ZNF518B: variants seen among roughly 807,000 people sequenced by gnomAD.
ZNF518B encodes zinc finger protein 518B.
A neutral mutation model predicts 56.3 loss-of-function variants in ZNF518B; 23 were observed. The ratio of observed to expected loss-of-function variants is 0.41; its 90% CI spans 0.29 to 0.58. ZNF518B has a LOEUF of 0.58. ZNF518B is among the 20% of genes least tolerant of loss of function. The probability of loss-of-function intolerance (pLI) is 0.32; values close to 1 mark genes in which losing one functional copy is unlikely to be tolerated. For missense variants in ZNF518B, 1,460 were observed against 1,272.1 expected, an observed-to-expected ratio of 1.15 and a Z score of -2.25; for synonymous variants, 529 against 465.9, an observed-to-expected ratio of 1.14 and a Z score of -1.74.
chr4:10,441,489 T>C lies in ZNF518B; in HGVS notation c.*1615A>G, dbSNP rs1022310191. On this transcript the variant is annotated 3_prime_UTR_variant, in exon 3 of 3. Transcript: ENST00000326756. ...CTCCAATCGACTACCCAATAAACAA[T>C]CACTGGTGTCTTTTTCAGGTGCAAC... is the stretch of plus-strand genomic sequence containing the variant. 6.9e-6 allele frequency: 1 copy of C among 145,402 alleles called. No homozygotes were observed. The highest frequency in any genetic ancestry group is 1.5e-5 in the Non-Finnish European group (1 of 66,586). 9.0% of individuals were successfully genotyped at this position (145,402 alleles called of 1,614,324 possible). A position where few individuals can be genotyped will look rare whatever the true frequency, so the allele number is the denominator to read the frequency against.
chr4:10,445,372 T>C lies in ZNF518B; in HGVS notation c.957A>G (p.Ala319=), dbSNP rs1468780414. ...KNVEVEVLSP[A]KEPVQPGMPL... is the part of the protein sequence containing the mutation. ...GCATACCTGGCTGAACAGGTTCTTT[T>C]GCAGGGGATAACACTTCTACTTCAA... is the stretch of plus-strand genomic sequence containing the variant. The change falls in exon 3 of 3, where the codon GCA becomes GCG. Residue 319 remains alanine (A), a synonymous_variant. Transcript: ENST00000326756. 2 of 1,614,146 alleles carry C rather than the reference T, an allele frequency of 1.2e-6. No individual in the cohort carries two copies. The highest frequency in any genetic ancestry group is 1.7e-6 in the Non-Finnish European group (2 of 1,180,052).
rs1009875795 is a variant in ZNF518B at position 10,443,514 on chromosome 4, G to A, written c.2815C>T (p.Arg939Trp). ...TTTAACACAATGACTGGCTGGTTCC[G>A]ACGGGGACACTTAATCAACTGATCT... Reference protein sequence around the residue: ...KPDQLIKCPRRNQPVIVLNHP... With the variant: ...KPDQLIKCPRWNQPVIVLNHP... Residue 939 changes from arginine to tryptophan, a missense_variant, in exon 3 of 3, where the codon CGG becomes TGG. Transcript: ENST00000326756. 8.1e-6 allele frequency: 13 copies of A among 1,613,766 alleles called. No individual in the cohort carries two copies. Among genetic ancestry groups the A allele is most frequent in the South Asian group, 4.4e-5 (4 of 91,084 alleles).
At chr4:10,459,907 T>A (rs186449709), upstream of ZNF518B, among the ~76,000 whole-genome samples, 45 of 152,262 alleles carry the variant, frequency 3.0e-4, no homozygotes, top group Middle Eastern at 6.8e-3. Context: ...TGCACCCTCC[T>A]AGTTATGACT....
At chr4:10,446,637 G>A in intron 2 of ZNF518B, 98 bp from the exon 3 acceptor site, 2 of 256,850 alleles carry the variant, frequency 7.8e-6, no homozygotes, top group Non-Finnish European at 1.5e-5. Flanking sequence ...GACATTTTAT[G>A]GTAAATCTCA....
rs1714823866 is a variant in ZNF518B, at chr4:10,443,989, A to G, written c.2340T>C (p.Val780=). ...VLIPKGAVLR[V]LNSSENAHII... Reference sequence around the variant, plus strand: ...TGTGGGCATTCTCAGAGGAATTAAGAACCCTCAACACAGCCCCTTTGGGGA... The same window carrying G: ...TGTGGGCATTCTCAGAGGAATTAAGGACCCTCAACACAGCCCCTTTGGGGA... The change falls in exon 3 of 3, where the codon GTT becomes GTC. Residue 780 remains valine (V), a synonymous_variant. Coordinates refer to ENST00000326756, the MANE Select transcript of ZNF518B (RefSeq NM_053042.3). 1.9e-6 allele frequency: 3 copies of G among 1,614,114 alleles called. No individual in the cohort carries two copies. Among genetic ancestry groups the G allele is most frequent in the Non-Finnish European group, 2.5e-6 (3 of 1,180,036 alleles).
At chr4:10,449,181 T>C (rs1429567562) in intron 2 of ZNF518B, among the ~76,000 whole-genome samples, 1 of 152,210 alleles carries the variant, frequency 6.6e-6, no homozygotes, top group Non-Finnish European at 1.5e-5. Context: ...AAGGGGGATC[T>C]GGTCCAGCGT....
At chr4:10,458,746 A>G (rs1433972955), upstream of ZNF518B, among the ~76,000 whole-genome samples, 1 of 152,232 alleles carries the variant, frequency 6.6e-6, no homozygotes, top group East Asian at 1.9e-4. Flanking sequence ...CAGAGAGTTC[A>G]AAGTCTCCCT....
chr4:10,451,693 G>A (rs868751249), intron 2 of ZNF518B: 15 of 152,080 alleles, frequency 9.9e-5, no homozygotes, highest in Middle Eastern at 3.2e-3. Context: ...TATACCGCCC[G>A]AAAGATAATT....
chr4:10,457,307 A>C lies in ZNF518B; in HGVS notation c.-396+10T>G, dbSNP rs1715583805. 6.6e-6 allele frequency: 1 copy of C among 151,798 alleles called. No homozygotes were observed. The highest frequency in any genetic ancestry group is 1.5e-5 in the Non-Finnish European group (1 of 67,908). The allele number at this position is 151,798 out of a possible 1,614,324, so 9.4% of individuals were successfully genotyped here. ...TCCGGGGGCCCTCGCCCTCCCGCTC[A>C]GCTACTTACCCGGCAGGCCGGATTC... On this transcript the variant is annotated intron_variant, in intron 1 of 2. Coordinates refer to ENST00000326756, the MANE Select transcript of ZNF518B (RefSeq NM_053042.3).
In ZNF518B at chr4:10,442,214, G is replaced by A. The variant is rs1714713106; in HGVS notation, c.*890C>T. On this transcript the variant is annotated 3_prime_UTR_variant, in exon 3 of 3. Coordinates refer to ENST00000326756, the MANE Select transcript of ZNF518B (RefSeq NM_053042.3). Reference sequence around the variant, plus strand: ...TATGAAACCCTTTTCACAACTTTATGAGCCTACCTTGAACTGTGTTTGCGA... The same window carrying A: ...TATGAAACCCTTTTCACAACTTTATAAGCCTACCTTGAACTGTGTTTGCGA... 1 of 152,206 alleles carries A rather than the reference G, an allele frequency of 6.6e-6. No homozygotes were observed. Among genetic ancestry groups the A allele is most frequent in the Admixed American group, 6.5e-5 (1 of 15,284 alleles). 9.4% of individuals were successfully genotyped at this position (152,206 alleles called of 1,614,324 possible). A position where few individuals can be genotyped will look rare whatever the true frequency, so the allele number is the denominator to read the frequency against.
intron 2 of ZNF518B, 156 bp downstream of exon 2, chr4:10,454,649 T>C (rs1283504924): frequency 1.3e-5 from 2 of 152,178 alleles, no homozygotes; most frequent in Non-Finnish European, 2.9e-5. Context: ...GATTAACAGG[T>C]CTGGAGAAGC....
rs1408658207 is a variant in ZNF518B, at chr4:10,441,631, G to C, written c.*1473C>G. 3 of 152,448 alleles carry C rather than the reference G, an allele frequency of 2.0e-5. No individual in the cohort carries two copies. The highest frequency in any genetic ancestry group is 7.2e-5 in the African/African-American group (3 of 41,450). 9.4% of individuals were successfully genotyped at this position (152,448 alleles called of 1,614,324 possible). ...GGTTGTGCCATCTGTGCTCTACCTG[G>C]AAGGTCAGCGCCCAGCTGCACAGGC... is the stretch of plus-strand genomic sequence containing the variant. On this transcript the variant is annotated 3_prime_UTR_variant, in exon 3 of 3. Coordinates refer to ENST00000326756, the MANE Select transcript of ZNF518B (RefSeq NM_053042.3).
At chr4:10,453,561 T>C (rs2108996150) in intron 2 of ZNF518B, 1 of 132,878 alleles carries the variant, frequency 7.5e-6, no homozygotes, top group East Asian at 2.0e-4. Context: ...AAACTTTGTA[T>C]GTGAAAAAAA....
At chr4:10,460,401 C>T (rs148442170), upstream of ZNF518B, among the ~76,000 whole-genome samples, 840 of 148,426 alleles carry the variant, frequency 5.7e-3, 3 homozygotes, top group Non-Finnish European at 8.8e-3. Context: ...AGAGGAATGA[C>T]GAACAGGGTA....
rs761187690 is a variant in ZNF518B at position 10,445,115 on chromosome 4, G to A, written c.1214C>T (p.Ser405Leu). The change falls in exon 3 of 3, where the codon TCA becomes TTA. Residue 405 changes from serine (S) to leucine (L), a missense_variant. Coordinates refer to ENST00000326756, the MANE Select transcript of ZNF518B (RefSeq NM_053042.3). ...EKVLSAEKTK[S>L]LTVDGNVGKL... Reference sequence around the variant, plus strand: ...TCCAACATTCCCGTCAACTGTCAGTGACTTTGTTTTTTCTGCAGAAAGTAC... The same window carrying A: ...TCCAACATTCCCGTCAACTGTCAGTAACTTTGTTTTTTCTGCAGAAAGTAC... 3 of 1,614,024 alleles carry A rather than the reference G, an allele frequency of 1.9e-6. No individual in the cohort carries two copies. The highest frequency in any genetic ancestry group is 8.5e-7 in the Non-Finnish European group (1 of 1,180,032).
At position 10,441,653 on chromosome 4, in the gene ZNF518B, A is replaced by C. The variant is rs902648237; in HGVS notation, c.*1451T>G. Reference sequence around the variant, plus strand: ...CTGGAAGGTCAGCGCCCAGCTGCACAGGCAAGTGAAGACTAGAATCCTGTC... The same window carrying C: ...CTGGAAGGTCAGCGCCCAGCTGCACCGGCAAGTGAAGACTAGAATCCTGTC... On this transcript the variant is annotated 3_prime_UTR_variant, in exon 3 of 3. Coordinates refer to ENST00000326756, the MANE Select transcript of ZNF518B (RefSeq NM_053042.3). The C allele has an allele frequency of 2.6e-5, 4 of 152,522 alleles. No individual in the cohort carries two copies. The highest frequency in any genetic ancestry group is 9.6e-5 in the African/African-American group (4 of 41,470). 9.4% of individuals were successfully genotyped at this position (152,522 alleles called of 1,614,324 possible).
chr4:10,445,227 C>T lies in ZNF518B; in HGVS notation c.1102G>A (p.Glu368Lys). 1.9e-6 allele frequency: 3 copies of T among 1,614,214 alleles called. No homozygotes were observed. Among genetic ancestry groups the T allele is most frequent in the Middle Eastern group, 1.6e-4 (1 of 6,062 alleles). The change falls in exon 3 of 3, where the codon GAA becomes AAA. Residue 368 changes from glutamate to lysine, a missense_variant. Physicochemically the swap from Glu to Lys is moderately conservative, Grantham distance 56. Coordinates refer to ENST00000326756, the MANE Select transcript of ZNF518B (RefSeq NM_053042.3). ...QLVLKLFPLE[E>K]NNCLEAGRDN... is the part of the protein sequence containing the mutation. ...CTCCCAGCTTCAAGGCAATTATTTT[C>T]TTCCAGCGGAAACAGTTTCAGAACA...
chr4:10,444,305 G>C lies in ZNF518B; in HGVS notation c.2024C>G (p.Ser675Cys). 2 of 1,614,162 alleles carry C rather than the reference G, an allele frequency of 1.2e-6. No individual in the cohort carries two copies. Among genetic ancestry groups the C allele is most frequent in the Non-Finnish European group, 1.7e-6 (2 of 1,180,010 alleles). ...LRRKIAQLIE[S>C]CGKPSSLASN... ...AGCCAAAGATGACGGCTTCCCACAG[G>C]ACTCAATTAACTGAGCTATCTTTCT... Residue 675 changes from serine (S) to cysteine (C), a missense_variant, in exon 3 of 3, where the codon TCC becomes TGC. Ser to Cys is a moderately radical substitution (Grantham distance 112). Coordinates refer to ENST00000326756, the MANE Select transcript of ZNF518B (RefSeq NM_053042.3).
chr4:10,454,501 T>C (rs191229907), intron 2 of ZNF518B: 8 of 152,196 alleles, frequency 5.3e-5, no homozygotes, highest in South Asian at 2.1e-4. Context: ...CTGATCAGAG[T>C]GCTCTCCCAG....
Sources: gnomAD v4.1 joint callset for allele counts (sites outside exome capture counted in the v4.1 genomes callset) on GRCh38, gnomAD v4.1.1 for gene constraint, MANE v1.5 for transcripts, NCBI Gene and HGNC (gene_info 2026-07-23, HGNC 2026-07-21) for gene names.